Variants in WWOX observed in about 807,000 individuals in gnomAD.
WWOX encodes WW domain-containing oxidoreductase.
In WWOX, 69 loss-of-function variants were observed where a neutral mutation model predicts 46.2. The ratio of observed to expected loss-of-function variants is 1.49; its 90% CI spans 1.23 to 1.82. The LOEUF is 1.82. Ranked by LOEUF, WWOX falls within the 40% of genes most tolerant of loss-of-function variation. WWOX has a pLI of 0.00. For missense variants in WWOX, 919 were observed against 542.6 expected (o/e 1.69, Z -6.89); for synonymous variants, 359 against 202.6 (o/e 1.77, Z -6.56).
chr16:78,919,994 T>G (rs2045341574), intron 8 of WWOX, among the ~76,000 whole-genome samples: 1 of 152,208 alleles, frequency 6.6e-6, no homozygotes, highest in South Asian at 2.1e-4. Context: ...CTTCTCATGC[T>G]TTTGGAAGGG....
intron 5 of WWOX, among the ~76,000 whole-genome samples, chr16:78,310,049 T>TCCTCCTTCCC (rs531220315): frequency 3.3e-5 from 5 of 151,894 alleles, no homozygotes; most frequent in East Asian, 3.9e-4. Flanking sequence ...CTTCCCTTCC[T>TCCTCCTTCCC]CCTCCTTCCC....
At chr16:78,942,526 T>C (rs1465131010) in intron 8 of WWOX, among the ~76,000 whole-genome samples, 2 of 152,108 alleles carry the variant, frequency 1.3e-5, no homozygotes, top group Admixed American at 1.3e-4. Flanking sequence ...GGCAGTGGGA[T>C]GGGGGTAAAG....
chr16:78,648,769 C>G (rs1339885417), intron 8 of WWOX, among the ~76,000 whole-genome samples: 1 of 152,162 alleles, frequency 6.6e-6, no homozygotes, highest in Non-Finnish European at 1.5e-5. Flanking sequence ...TTCTTTCTCT[C>G]CACCTCCTTT....
intron 8 of WWOX, among the ~76,000 whole-genome samples, chr16:78,563,986 G>C (rs769072646): frequency 6.6e-6 from 1 of 152,192 alleles, no homozygotes; most frequent in Non-Finnish European, 1.5e-5. Context: ...TTGCCCACTT[G>C]CTGTGCTACG....
Position 78,836,485 on chromosome 16 carries a change from T to G in WWOX, c.1057-375123T>G, listed in dbSNP as rs543961977. ...GGTGGCATCCACTCTTCTAGTAGGATCTCACATTGGTATTTTCAGACACTT... is the reference window on the plus strand; with the variant it reads ...GGTGGCATCCACTCTTCTAGTAGGAGCTCACATTGGTATTTTCAGACACTT... On this transcript the variant is annotated intron_variant, in intron 8 of 8. Transcript: ENST00000566780. 2.1e-3 allele frequency among the ~76,000 whole-genome samples: 322 copies of G among 152,282 alleles called. 1 individual carries two copies. The highest frequency in any genetic ancestry group is 0.017 in the Middle Eastern group (5 of 294).
At chr16:78,624,907 T>G (rs2046276653) in intron 8 of WWOX, among the ~76,000 whole-genome samples, 1 of 152,044 alleles carries the variant, frequency 6.6e-6, no homozygotes, top group African/African-American at 2.4e-5. Context: ...TCACCTGGAG[T>G]CTGTACACAC....
chr16:78,570,224 G>T (rs947350750), intron 8 of WWOX, among the ~76,000 whole-genome samples: 1 of 152,150 alleles, frequency 6.6e-6, no homozygotes, highest in African/African-American at 2.4e-5. Flanking sequence ...GCTAGACTAC[G>T]GGTCTGGGGC....
At chr16:78,512,598 G>C (rs1238892098) in intron 8 of WWOX, among the ~76,000 whole-genome samples, 2 of 152,164 alleles carry the variant, frequency 1.3e-5, no homozygotes, top group Non-Finnish European at 2.9e-5. Context: ...CAGCAAATAG[G>C]ACTTGAGTCC....
rs573660740 is a variant in WWOX at position 78,556,705 on chromosome 16, A to AT, written c.1056+123959dup. ...TGTTTTCCCTGAGACCGGCAAACAC[A>AT]TTTTTTATTTATTTTATTTTTATTT... On this transcript the variant is annotated intron_variant, in intron 8 of 8. Coordinates refer to ENST00000566780, the MANE Select transcript of WWOX (RefSeq NM_016373.4). 2.5e-3 allele frequency among the ~76,000 whole-genome samples: 384 copies of AT among 152,106 alleles called. 4 individuals carry two copies. The highest frequency in any genetic ancestry group is 8.9e-3 in the African/African-American group (371 of 41,494).
At chr16:78,658,116 A>AGT (rs1371461191) in intron 8 of WWOX, among the ~76,000 whole-genome samples, 1 of 152,138 alleles carries the variant, frequency 6.6e-6, no homozygotes, top group Non-Finnish European at 1.5e-5. Context: ...ACTAGATGCC[A>AGT]GTAGCATCTT....
chr16:78,639,321 A>T (rs2046648435), intron 8 of WWOX, among the ~76,000 whole-genome samples: 1 of 152,178 alleles, frequency 6.6e-6, no homozygotes, highest in African/African-American at 2.4e-5. Flanking sequence ...TTACAAGGAG[A>T]CCGGCACCTG....
intron 8 of WWOX, among the ~76,000 whole-genome samples, chr16:78,971,018 T>C (rs1413402855): frequency 3.9e-5 from 6 of 152,128 alleles, no homozygotes; most frequent in Non-Finnish European, 8.8e-5. Flanking sequence ...GCTAGCTTCA[T>C]AACAGCAGGA....
intron 5 of WWOX, among the ~76,000 whole-genome samples, chr16:78,361,127 G>C (rs2081401914): frequency 6.6e-6 from 1 of 152,044 alleles, no homozygotes; most frequent in Non-Finnish European, 1.5e-5. Flanking sequence ...CTGGCTTGGA[G>C]CATTCAGTCT....
At chr16:78,871,845 C>T (rs1459308463) in intron 8 of WWOX, among the ~76,000 whole-genome samples, 1 of 152,112 alleles carries the variant, frequency 6.6e-6, no homozygotes, top group Non-Finnish European at 1.5e-5. Context: ...TCAAGTGATC[C>T]GCCCACCTTG....
At chr16:78,948,968 C>A (rs1192060530) in intron 8 of WWOX, among the ~76,000 whole-genome samples, 2 of 152,156 alleles carry the variant, frequency 1.3e-5, no homozygotes, top group East Asian at 3.9e-4. Flanking sequence ...ATTTCACGTA[C>A]TGCCACTGGC....
At chr16:78,946,733 C>T (rs1053578732) in intron 8 of WWOX, among the ~76,000 whole-genome samples, 9 of 151,904 alleles carry the variant, frequency 5.9e-5, no homozygotes, top group South Asian at 2.1e-4. Flanking sequence ...GAGAGTCATG[C>T]GGGCCATATG....
intron 5 of WWOX, among the ~76,000 whole-genome samples, chr16:78,312,807 T>G (rs2080275109): frequency 6.6e-6 from 1 of 152,234 alleles, no homozygotes; most frequent in Admixed American, 6.5e-5. Context: ...TCCAGTCTTG[T>G]GACTGAACCA....
At chr16:78,796,364 ACAAGTTTC>A (rs1276786590) in intron 8 of WWOX, among the ~76,000 whole-genome samples, 2 of 152,242 alleles carry the variant, frequency 1.3e-5, no homozygotes, top group African/African-American at 4.8e-5. Context: ...AAGAAAAAGT[ACAAGTTTC>A]CAAGGAGTTA....
intron 8 of WWOX, among the ~76,000 whole-genome samples, chr16:78,780,928 C>T (rs970715866): frequency 6.6e-6 from 1 of 152,174 alleles, no homozygotes; most frequent in African/African-American, 2.4e-5. Flanking sequence ...GTTCAGAGAG[C>T]AGCAGCAGAA....
Sources: gnomAD v4.1 joint callset for allele counts (sites outside exome capture counted in the v4.1 genomes callset) on GRCh38, gnomAD v4.1.1 for gene constraint, MANE v1.5 for transcripts, NCBI Gene and HGNC (gene_info 2026-07-23, HGNC 2026-07-21) for gene names.